Variants in MEP1A observed in about 807,000 individuals in gnomAD.
MEP1A encodes the protein meprin A subunit alpha.
In MEP1A, 68 loss-of-function variants were observed where a neutral mutation model predicts 84.5. That is an observed-to-expected ratio of 0.80 (90% CI 0.66 to 0.98). MEP1A has a LOEUF of 0.98. MEP1A is among the 50% of genes least tolerant of loss of function. MEP1A has a pLI of 0.00. For missense variants in MEP1A, 887 were observed against 919.9 expected (o/e 0.96, Z 0.46); for synonymous variants, 337 against 336.8 (o/e 1.00, Z -0.01).
At chr6:46,807,600 GGAAGGAAGGAAGGAAGGAAGGAAA>G (rs796587592) in intron 5 of MEP1A, among the ~76,000 whole-genome samples, 2,727 of 92,882 alleles carry the variant, frequency 0.029, 215 homozygotes, top group Non-Finnish European at 0.031. Context: ...AAGGAAGGAA[GGAAGGAAGGAAGGAAGGAAGGAAA>G]GAAGGAAGGA....
intron 6 of MEP1A, among the ~76,000 whole-genome samples, chr6:46,813,389 G>T (rs1293871268): frequency 1.3e-5 from 2 of 152,076 alleles, no homozygotes; most frequent in Non-Finnish European, 2.9e-5. Flanking sequence ...AGCAAAAGTG[G>T]TGCTAAGAGG....
intron 6 of MEP1A, among the ~76,000 whole-genome samples, chr6:46,816,044 C>T (rs923925398): frequency 6.6e-6 from 1 of 152,068 alleles, no homozygotes; most frequent in Non-Finnish European, 1.5e-5. Context: ...TCAAGCAATT[C>T]TCCTGCCTCA....
At chr6:46,816,868 A>T (rs1046130978) in intron 6 of MEP1A, among the ~76,000 whole-genome samples, 1 of 152,098 alleles carries the variant, frequency 6.6e-6, no homozygotes, top group African/African-American at 2.4e-5. Flanking sequence ...ATAATCCCAT[A>T]ATGAGCAAGA....
At chr6:46,816,824 C>T (rs1581676122) in intron 6 of MEP1A, among the ~76,000 whole-genome samples, 2 of 152,262 alleles carry the variant, frequency 1.3e-5, no homozygotes, top group East Asian at 1.9e-4. Context: ...TTCCCCACTT[C>T]CTTGGCAACC....
intron 3 of MEP1A, among the ~76,000 whole-genome samples, chr6:46,798,072 A>T (rs1356132582): frequency 6.6e-6 from 1 of 151,586 alleles, no homozygotes; most frequent in Non-Finnish European, 1.5e-5. Context: ...GGTTCAAGCA[A>T]TTCTCCTGCC....
chr6:46,809,337 G>A, intron 5 of MEP1A, 83 bp from the exon 6 acceptor site: 2 of 821,996 alleles, frequency 2.4e-6, no homozygotes, highest in Non-Finnish European at 3.7e-6. Flanking sequence ...TAATGTGGCA[G>A]CATGGTTTTC....
chr6:46,835,097 C>A, intron 12 of MEP1A, 152 bp from the exon 13 acceptor site: 1 of 690,256 alleles, frequency 1.4e-6, no homozygotes, highest in South Asian at 2.0e-5. Context: ...GTAGCTAATA[C>A]TGTGGGAATC....
chr6:46,807,508 G>GAAATAAATAAATAAAT (rs1238971243), intron 5 of MEP1A, among the ~76,000 whole-genome samples: 1 of 98,924 alleles, frequency 1.0e-5, no homozygotes, highest in African/African-American at 4.2e-5. Flanking sequence ...ACCCCCATCT[G>GAAATAAATAAATAAAT]AAATAAAGAA....
intron 6 of MEP1A, among the ~76,000 whole-genome samples, chr6:46,816,789 G>A (rs1318522863): frequency 6.6e-6 from 1 of 152,170 alleles, no homozygotes; most frequent in Non-Finnish European, 1.5e-5. Flanking sequence ...CATGGGAACA[G>A]GTTGAGGCCT....
At position 46,826,437 on chromosome 6, in the gene MEP1A, G is replaced by T; in HGVS notation, c.862G>T (p.Asp288Tyr). The T allele has an allele frequency of 6.2e-7, 1 of 1,609,166 alleles. No individual in the cohort carries two copies. Among genetic ancestry groups the T allele is most frequent in the South Asian group, 1.1e-5 (1 of 89,402 alleles). ...GATTCAGGGCACCAGAGATGACACT[G>T]ACTGGGCCCATCAGGACAGTGCTCA... ...GMIQGTRDDT[D>Y]WAHQDSAQAG... is the part of the protein sequence containing the mutation. The change falls in exon 9 of 14, where the codon GAC becomes TAC. Residue 288 changes from aspartate (D) to tyrosine (Y), a missense_variant. Asp to Tyr is a radical substitution (Grantham distance 160). Coordinates refer to ENST00000230588, the MANE Select transcript of MEP1A (RefSeq NM_005588.3).
At chr6:46,799,609 T>C (rs971869998) in intron 5 of MEP1A, among the ~76,000 whole-genome samples, 3 of 151,322 alleles carry the variant, frequency 2.0e-5, no homozygotes, top group African/African-American at 4.9e-5. Context: ...AAAGTCCATA[T>C]TTCACATGTT....
chr6:46,835,333 A>C lies in MEP1A; in HGVS notation c.1868A>C (p.Gln623Pro), dbSNP rs1372551969. Residue 623 changes from glutamine to proline, a missense_variant, in exon 13 of 14, where the codon CAG becomes CCG. Transcript: ENST00000230588. ...GGCCTCATTCTCCAAGGCCAGGAGC[A>C]GCAGGTCTCCGAAGAAGGTTCGGGA... Reference protein sequence around the residue: ...PQGLILQGQEQQVSEEGSGKA... With the variant: ...PQGLILQGQEPQVSEEGSGKA... 2.5e-6 allele frequency: 4 copies of C among 1,609,438 alleles called. No homozygotes were observed. The African/African-American group carries it at 5.3e-5, about 22-fold the overall frequency.
At chr6:46,793,739 T>C (rs1445277429) in intron 3 of MEP1A, 23 bp downstream of exon 3, 3 of 1,567,366 alleles carry the variant, frequency 1.9e-6, no homozygotes, top group Non-Finnish European at 2.6e-6. Flanking sequence ...TTTGTGTTAT[T>C]AAAGTCTTGA....
chr6:46,809,417 C>T lies in MEP1A; in HGVS notation c.263-3C>T. 1 of 1,579,444 alleles carries T rather than the reference C, an allele frequency of 6.3e-7. No individual in the cohort carries two copies. Among genetic ancestry groups the T allele is most frequent in the Non-Finnish European group, 8.7e-7 (1 of 1,153,918 alleles). On this transcript the variant is annotated splice_region_variant and splice_polypyrimidine_tract_variant and intron_variant, in intron 5 of 13. Coordinates refer to ENST00000230588, the MANE Select transcript of MEP1A (RefSeq NM_005588.3). ...TCATTGATATTTTTACTGATTTCTGCAGGGCTGAATGCTAAAGGAGCCATT... is the reference window on the plus strand; with the variant it reads ...TCATTGATATTTTTACTGATTTCTGTAGGGCTGAATGCTAAAGGAGCCATT...
At chr6:46,796,378 C>A (rs1767052060) in intron 3 of MEP1A, among the ~76,000 whole-genome samples, 1 of 152,122 alleles carries the variant, frequency 6.6e-6, no homozygotes, top group Non-Finnish European at 1.5e-5. Flanking sequence ...GCTAAAATGC[C>A]ACCTCCTGTG....
At chr6:46,799,932 G>T (rs1251780626) in intron 5 of MEP1A, among the ~76,000 whole-genome samples, 2 of 152,112 alleles carry the variant, frequency 1.3e-5, no homozygotes, top group Admixed American at 1.3e-4. Context: ...GCCAGGACAG[G>T]GTTGCTTAGT....
chr6:46,840,412 G>A (rs553591731), downstream of MEP1A, among the ~76,000 whole-genome samples: 89 of 152,234 alleles, frequency 5.8e-4, 1 homozygote, highest in South Asian at 0.018. Context: ...ATTCTTAAAT[G>A]TGCCAGAATC....
At chr6:46,835,181 A>G in intron 12 of MEP1A, 68 bp from the exon 13 acceptor site, 3 of 1,387,932 alleles carry the variant, frequency 2.2e-6, no homozygotes, top group Non-Finnish European at 2.9e-6. Context: ...AACTTTCACC[A>G]GAAGTGGGAG....
chr6:46,824,777 T>A (rs12175974), intron 7 of MEP1A, among the ~76,000 whole-genome samples: 5 of 94,662 alleles, frequency 5.3e-5, no homozygotes, highest in East Asian at 2.6e-4. Flanking sequence ...AATTATGTAT[T>A]TAAATAGATG....
Sources: allele counts gnomAD v4.1 joint callset (sites outside exome capture counted in the v4.1 genomes callset), GRCh38; gene constraint gnomAD v4.1.1; transcripts MANE v1.5; gene names NCBI Gene and HGNC (gene_info 2026-07-23, HGNC 2026-07-21).